The following BCL2L13 variants were observed in gnomAD, a reference collection of about 807,000 sequenced individuals.
The protein encoded by BCL2L13 is bcl-2-like protein 13.
In BCL2L13, 13 loss-of-function variants were observed where a neutral mutation model predicts 25.8. That is an observed-to-expected ratio of 0.50 (90% CI 0.33 to 0.80). The LOEUF (loss-of-function observed/expected upper bound fraction) is 0.80. BCL2L13 is among the 30% of genes least tolerant of loss of function. The probability of loss-of-function intolerance (pLI) is 0.02; values close to 1 mark genes in which losing one functional copy is unlikely to be tolerated. For missense variants in BCL2L13, 504 were observed against 574.9 expected (o/e 0.88, Z 1.26); for synonymous variants, 244 against 230.3 (o/e 1.06, Z -0.54).
rs145027567 is a variant in BCL2L13, at chr22:17,686,172, G to A, written c.230-2814G>A. ...CAGATAGAAATGTACAAATAATCCC[G>A]AGACCAGGTGCGGTGCCTGTAGTCC... is the stretch of plus-strand genomic sequence containing the variant. On this transcript the variant is annotated intron_variant, in intron 3 of 6. Transcript: ENST00000317582. Among the ~76,000 whole-genome samples, 864 of 152,122 alleles carry A rather than the reference G, an allele frequency of 5.7e-3. 13 individuals are homozygous for A. Among genetic ancestry groups the A allele is most frequent in the African/African-American group, 0.02 (821 of 41,518 alleles).
chr22:17,721,180 A>T (rs78540478), intron 6 of BCL2L13, among the ~76,000 whole-genome samples: 38,496 of 151,200 alleles, frequency 0.25, 6,240 homozygotes, highest in African/African-American at 0.46. Flanking sequence ...AAAAAAAAAA[A>T]ATATATATAT....
intron 3 of BCL2L13, among the ~76,000 whole-genome samples, chr22:17,684,060 G>A (rs1170005337): frequency 1.3e-5 from 2 of 151,752 alleles, no homozygotes; most frequent in South Asian, 2.1e-4. Context: ...ATTATTTCCG[G>A]TTTTGTCTTC....
chr22:17,629,266 A>G (rs577895958), intron 1 of BCL2L13, among the ~76,000 whole-genome samples: 8 of 152,270 alleles, frequency 5.3e-5, no homozygotes, highest in African/African-American at 1.9e-4. Flanking sequence ...TTACCTGAAT[A>G]AAGTGTAGGG....
intron 6 of BCL2L13, among the ~76,000 whole-genome samples, chr22:17,718,468 C>T (rs1225113303): frequency 6.6e-6 from 1 of 152,148 alleles, no homozygotes; most frequent in Non-Finnish European, 1.5e-5. Flanking sequence ...GATATATAGA[C>T]TTTATGTACT....
chr22:17,638,850 CCT>C lies in BCL2L13; in HGVS notation c.-84_-83del. 1 of 1,232,148 alleles carries C rather than the reference CCT, an allele frequency of 8.1e-7. No individual in the cohort carries two copies. The highest frequency in any genetic ancestry group is 1.0e-6 in the Non-Finnish European group (1 of 988,344). The allele number at this position is 1,232,148 out of a possible 1,614,324, so 76.3% of individuals were successfully genotyped here. A position where few individuals can be genotyped will look rare whatever the true frequency, so the allele number is the denominator to read the frequency against. ...CTGTCGGAAGCAACTGCCGCCGCCG[CCT>C]CTTTCATCTCTTCTGGGGCAGGGGC... On this transcript the variant is annotated 5_prime_UTR_variant, in exon 1 of 7. Transcript: ENST00000317582.
chr22:17,674,603 C>T (rs1160235143), intron 2 of BCL2L13, among the ~76,000 whole-genome samples: 1 of 33,658 alleles, frequency 3.0e-5, no homozygotes, highest in Non-Finnish European at 5.4e-5. Flanking sequence ...GAGACTCTGT[C>T]TCAAAAAAAA....
At chr22:17,713,013 G>C (rs1473611081) in intron 6 of BCL2L13, among the ~76,000 whole-genome samples, 1 of 152,154 alleles carries the variant, frequency 6.6e-6, no homozygotes, top group African/African-American at 2.4e-5. Context: ...GTATGGGAGA[G>C]ATCAAGAATA....
chr22:17,680,677 G>A (rs2059724710), intron 2 of BCL2L13, among the ~76,000 whole-genome samples: 1 of 152,106 alleles, frequency 6.6e-6, no homozygotes, highest in Non-Finnish European at 1.5e-5. Context: ...CGAGGTAAGT[G>A]AGCATCACTA....
At chr22:17,696,994 C>T (rs1331962477) in intron 5 of BCL2L13, among the ~76,000 whole-genome samples, 1 of 152,058 alleles carries the variant, frequency 6.6e-6, no homozygotes, top group Non-Finnish European at 1.5e-5. Flanking sequence ...TTTATAGACA[C>T]CTACCTCTAT....
intron 2 of BCL2L13, among the ~76,000 whole-genome samples, chr22:17,682,919 G>A (rs1041287945): frequency 6.6e-6 from 1 of 152,156 alleles, no homozygotes; most frequent in Non-Finnish European, 1.5e-5. Flanking sequence ...GGATCACAAG[G>A]TCAGGAGTTC....
At chr22:17,657,798 G>A (rs2146521424) in intron 2 of BCL2L13, among the ~76,000 whole-genome samples, 1 of 142,846 alleles carries the variant, frequency 7.0e-6, no homozygotes. Context: ...TTACAGGCGT[G>A]AGCCACCACA....
intron 2 of BCL2L13, among the ~76,000 whole-genome samples, chr22:17,670,133 T>C (rs2059369915): frequency 6.6e-6 from 1 of 152,164 alleles, no homozygotes; most frequent in South Asian, 2.1e-4. Flanking sequence ...TGTATACCTG[T>C]TGTTATACCA....
At chr22:17,632,093 T>A (rs1053326523) in intron 1 of BCL2L13, among the ~76,000 whole-genome samples, 1 of 152,150 alleles carries the variant, frequency 6.6e-6, no homozygotes, top group Non-Finnish European at 1.5e-5. Flanking sequence ...CAATGTTCCT[T>A]GTACTGTATG....
chr22:17,648,506 G>A (rs1315977189), intron 1 of BCL2L13, among the ~76,000 whole-genome samples: 2 of 151,630 alleles, frequency 1.3e-5, no homozygotes, highest in African/African-American at 4.8e-5. Context: ...GACACCAGCT[G>A]GGGCAACATA....
intron 5 of BCL2L13, among the ~76,000 whole-genome samples, chr22:17,699,044 G>A (rs1601709623): frequency 6.6e-6 from 1 of 152,086 alleles, no homozygotes; most frequent in Middle Eastern, 3.4e-3. Context: ...GTTCTTCTGT[G>A]TCTGTATTTC....
At chr22:17,673,508 C>T (rs562431027) in intron 2 of BCL2L13, among the ~76,000 whole-genome samples, 2 of 150,902 alleles carry the variant, frequency 1.3e-5, no homozygotes, top group South Asian at 4.2e-4. Context: ...GCTGGAACTA[C>T]AGTCGCCCAC....
At chr22:17,717,931 G>A (rs1437831511) in intron 6 of BCL2L13, among the ~76,000 whole-genome samples, 1 of 152,088 alleles carries the variant, frequency 6.6e-6, no homozygotes, top group African/African-American at 2.4e-5. Flanking sequence ...TACAAAAAAT[G>A]TAAAAATTAG....
intron 1 of BCL2L13, among the ~76,000 whole-genome samples, chr22:17,631,700 ATATATATTTTTTTTTTTTTTTT>A (rs1568903956): frequency 5.4e-3 from 114 of 21,144 alleles, no homozygotes; most frequent in Middle Eastern, 0.036. Flanking sequence ...ATATATATAT[ATATATATTTTTTTTTTTTTTTT>A]TTTTTTTTTT....
At chr22:17,690,667 G>GT (rs1220926602) in intron 4 of BCL2L13, among the ~76,000 whole-genome samples, 2 of 152,166 alleles carry the variant, frequency 1.3e-5, no homozygotes, top group Non-Finnish European at 2.9e-5. Context: ...GGAGGCTGAG[G>GT]TGGGAGGATC....
Sources: gnomAD v4.1 joint callset for allele counts (sites outside exome capture counted in the v4.1 genomes callset) on GRCh38, gnomAD v4.1.1 for gene constraint, MANE v1.5 for transcripts, NCBI Gene and HGNC (gene_info 2026-07-23, HGNC 2026-07-21) for gene names.